TLL2: variants seen among roughly 807,000 people sequenced by gnomAD.
The protein encoded by TLL2 is tolloid like 2, also known as tolloid-like protein 2.
A neutral mutation model predicts 123.0 loss-of-function variants in TLL2; 106 were observed. The ratio of observed to expected loss-of-function variants is 0.86; its 90% confidence interval spans 0.74 to 1.01. TLL2 has a LOEUF of 1.01. Among genes scored for constraint, TLL2 ranks in the 50% least tolerant of loss-of-function variants. The pLI is 0.00. For synonymous variants in TLL2, 494 were observed against 516.8 expected, an observed-to-expected ratio of 0.96 and a Z score of 0.60; for missense variants, 1,332 against 1,336.7, an observed-to-expected ratio of 1.00 and a Z score of 0.06.
chr10:96,486,883 G>A (rs1281655404), intron 1 of TLL2, among the ~76,000 whole-genome samples: 2 of 152,116 alleles, frequency 1.3e-5, no homozygotes, highest in East Asian at 3.9e-4. Flanking sequence ...CTGTCCCCTG[G>A]GCCTGCTCAG....
At chr10:96,480,280 C>G in intron 2 of TLL2, 69 bp downstream of exon 2, 1 of 1,334,040 alleles carries the variant, frequency 7.5e-7, no homozygotes, top group Non-Finnish European at 1.1e-6. Context: ...ACTCGTGGAC[C>G]ACATCTCCCC....
At chr10:96,476,016 G>A (rs6584076) in intron 2 of TLL2, among the ~76,000 whole-genome samples, 1 of 150,782 alleles carries the variant, frequency 6.6e-6, no homozygotes, top group African/African-American at 2.4e-5. Context: ...CCAGCCACGT[G>A]GAACAGTGAG....
At chr10:96,465,017 C>A (rs975567169) in intron 2 of TLL2, among the ~76,000 whole-genome samples, 2 of 152,166 alleles carry the variant, frequency 1.3e-5, no homozygotes, top group African/African-American at 2.4e-5. Flanking sequence ...GAAGGCAAGC[C>A]AGACTCATTA....
rs558024188 is a variant in TLL2 at position 96,458,559 on chromosome 10, C to T, written c.287-12391G>A. ...CCGAGATTGCGCCATTGCACTCCAG[C>T]CTGGGGGACAAGAGCGAGACTTCGT... On this transcript the variant is annotated intron_variant, in intron 2 of 20. Coordinates refer to ENST00000357947, the MANE Select transcript of TLL2 (RefSeq NM_012465.4). Among the ~76,000 whole-genome samples, 4 of 134,080 alleles carry T rather than the reference C, an allele frequency of 3.0e-5. No individual in the cohort carries two copies. In the East Asian group the frequency reaches 9.3e-4, roughly 31 times the overall value. 88.0% of individuals were successfully genotyped at this position (134,080 alleles called of 152,430 possible).
chr10:96,499,619 A>G (rs1043207728), intron 1 of TLL2, among the ~76,000 whole-genome samples: 1 of 152,222 alleles, frequency 6.6e-6, no homozygotes, highest in Non-Finnish European at 1.5e-5. Context: ...AGTCAATGAT[A>G]TGGTGCAGAA....
rs199498270 is a variant in TLL2, at chr10:96,378,938, C to T, written c.2320+29G>A. On this transcript the variant is annotated intron_variant, in intron 17 of 20. Transcript: ENST00000357947. ...TGGGGTGCGGCGAAGGGCAGCCCGCCCCCCCAACAACTGGAGGTCCAGCCT... is the reference window on the plus strand; with the variant it reads ...TGGGGTGCGGCGAAGGGCAGCCCGCTCCCCCAACAACTGGAGGTCCAGCCT... 2,449 of 1,612,118 alleles carry T rather than the reference C, an allele frequency of 1.5e-3. 4 individuals are homozygous for T. The highest frequency in any genetic ancestry group is 2.1e-3 in the Middle Eastern group (13 of 6,052).
intron 2 of TLL2, among the ~76,000 whole-genome samples, chr10:96,463,194 G>A (rs2134095458): frequency 6.6e-6 from 1 of 152,316 alleles, no homozygotes; most frequent in South Asian, 2.1e-4. Context: ...ACCCCCATGT[G>A]GTTCCCGAAG....
intron 2 of TLL2, among the ~76,000 whole-genome samples, chr10:96,475,558 G>A (rs910784991): frequency 2.0e-5 from 3 of 152,144 alleles, no homozygotes; most frequent in Non-Finnish European, 4.4e-5. Context: ...AGGCTGACTG[G>A]GTCACCTCTA....
chr10:96,449,226 A>C (rs1846930250), intron 2 of TLL2, among the ~76,000 whole-genome samples: 1 of 152,176 alleles, frequency 6.6e-6, no homozygotes, highest in African/African-American at 2.4e-5. Context: ...AAGCAGAGAG[A>C]GTTAGTAAAG....
At position 96,468,609 on chromosome 10, in the gene TLL2, C is replaced by T. The variant is rs114649612; in HGVS notation, c.286+11740G>A. 2.8e-3 allele frequency among the ~76,000 whole-genome samples: 427 copies of T among 152,304 alleles called. 3 individuals carry two copies. Among genetic ancestry groups the T allele is most frequent in the African/African-American group, 9.9e-3 (412 of 41,568 alleles). Reference sequence around the variant, plus strand: ...CACAACTAAAGAGCCTTGGCTAGAACGTCAGGTACTAAACTCTTGTTTGTC... The same window carrying T: ...CACAACTAAAGAGCCTTGGCTAGAATGTCAGGTACTAAACTCTTGTTTGTC... On this transcript the variant is annotated intron_variant, in intron 2 of 20. Transcript: ENST00000357947.
rs538223461 is a variant in TLL2, at chr10:96,406,269, C to T, written c.1165-935G>A. The stretch of plus-strand genomic sequence containing the variant: ...AGTTCAGATTTCCCCTGGCCTTTCA[C>T]CCCCACGCAAGTTCCACTAAACCAG... On this transcript the variant is annotated intron_variant, in intron 9 of 20. Transcript: ENST00000357947. 2.0e-5 allele frequency among the ~76,000 whole-genome samples: 3 copies of T among 152,248 alleles called. No individual in the cohort carries two copies. In the South Asian group the frequency reaches 6.2e-4, roughly 32 times the overall value.
intron 19 of TLL2, among the ~76,000 whole-genome samples, chr10:96,371,738 C>T (rs533779268): frequency 6.6e-6 from 1 of 152,324 alleles, no homozygotes; most frequent in South Asian, 2.1e-4. Flanking sequence ...TGAGACAGAC[C>T]CCTGGCCTAC....
At chr10:96,446,834 G>C (rs1846901136) in intron 2 of TLL2, among the ~76,000 whole-genome samples, 1 of 152,208 alleles carries the variant, frequency 6.6e-6, no homozygotes, top group African/African-American at 2.4e-5. Context: ...CCAAATATCT[G>C]TTTGACCTAC....
chr10:96,456,313 G>A (rs548784676), intron 2 of TLL2, among the ~76,000 whole-genome samples: 1 of 152,330 alleles, frequency 6.6e-6, no homozygotes, highest in South Asian at 2.1e-4. Flanking sequence ...GCATATCTCA[G>A]GGACGATTCT....
At position 96,395,855 on chromosome 10, in the gene TLL2, C is replaced by A; in HGVS notation, c.1530+20G>T. 6.2e-7 allele frequency: 1 copy of A among 1,607,524 alleles called. No homozygotes were observed. The highest frequency in any genetic ancestry group is 8.5e-7 in the Non-Finnish European group (1 of 1,176,490). On this transcript the variant is annotated intron_variant, in intron 12 of 20. Transcript: ENST00000357947. The stretch of plus-strand genomic sequence containing the variant: ...CAAAAGTTGCCGTTTCCTTGGGAAG[C>A]CGGTCTGAGCAGCACTCACCTCAAA...
At chr10:96,500,530 A>T (rs1376947212) in intron 1 of TLL2, among the ~76,000 whole-genome samples, 1 of 152,216 alleles carries the variant, frequency 6.6e-6, no homozygotes, top group Non-Finnish European at 1.5e-5. Context: ...ATTGAGGTTC[A>T]TGCCTGTAAT....
chr10:96,483,742 C>A (rs1028931914), intron 1 of TLL2, among the ~76,000 whole-genome samples: 2 of 152,120 alleles, frequency 1.3e-5, no homozygotes, highest in Non-Finnish European at 2.9e-5. Flanking sequence ...GGGAGGAGGC[C>A]TGTGACAGAG....
rs1467013594 is a variant in TLL2, at chr10:96,513,633, G to A, written c.53C>T (p.Pro18Leu). Residue 18 changes from proline (P) to leucine (L), a missense_variant, in exon 1 of 21, where the codon CCG becomes CTG. Pro to Leu is a moderately conservative substitution (Grantham distance 98, BLOSUM62 -3). Coordinates refer to ENST00000357947, the MANE Select transcript of TLL2 (RefSeq NM_012465.4). ...GALVSLLLLL[P>L]LPRGAGGLGE... ...GAGTCCCCCGGCGCCGCGAGGCAGCGGCAGCAGCAGCAGCAGTGACACCAG... is the reference window on the plus strand; with the variant it reads ...GAGTCCCCCGGCGCCGCGAGGCAGCAGCAGCAGCAGCAGCAGTGACACCAG... 1.3e-6 allele frequency: 2 copies of A among 1,596,386 alleles called. No homozygotes were observed. The highest frequency in any genetic ancestry group is 8.5e-7 in the Non-Finnish European group (1 of 1,176,962).
chr10:96,450,744 A>G (rs1231149918), intron 2 of TLL2, among the ~76,000 whole-genome samples: 1 of 152,234 alleles, frequency 6.6e-6, no homozygotes, highest in African/African-American at 2.4e-5. Context: ...CCATAGAACA[A>G]GGAAGAGAGA....
Sources: allele counts gnomAD v4.1 joint callset (sites outside exome capture counted in the v4.1 genomes callset), GRCh38; gene constraint gnomAD v4.1.1; transcripts MANE v1.5; gene names NCBI Gene and HGNC (gene_info 2026-07-23, HGNC 2026-07-21).